Variants in AGAP1 observed in about 807,000 individuals in gnomAD.
The protein encoded by AGAP1 is arf-GAP with GTPase, ANK repeat and PH domain-containing protein 1.
A neutral mutation model predicts 105.3 loss-of-function variants in AGAP1; 29 were observed. The ratio of observed to expected loss-of-function variants is 0.28; its 90% CI spans 0.21 to 0.38. The LOEUF is 0.38. Ranked by LOEUF, AGAP1 falls within the 10% of genes least tolerant of loss-of-function variation. AGAP1 has a pLI of 1.00. For synonymous variants in AGAP1, 509 were observed against 485.9 expected, an observed-to-expected ratio of 1.05 and a Z score of -0.63; for missense variants, 998 against 1,165.1, an observed-to-expected ratio of 0.86 and a Z score of 2.09.
intron 1 of AGAP1, among the ~76,000 whole-genome samples, chr2:235,594,093 T>C (rs981325010): frequency 6.6e-6 from 1 of 152,166 alleles, no homozygotes; most frequent in East Asian, 1.9e-4. Context: ...GTAGTAAGGA[T>C]AGTTTTCAAG....
chr2:235,885,314 C>A (rs562581384), intron 10 of AGAP1, among the ~76,000 whole-genome samples: 1 of 152,078 alleles, frequency 6.6e-6, no homozygotes, highest in Non-Finnish European at 1.5e-5. Flanking sequence ...TATAATATTC[C>A]ACTGTGTGGA....
rs983849711 is a variant in AGAP1 at position 235,919,372 on chromosome 2, A to G, written c.1324+10466A>G. On this transcript the variant is annotated intron_variant, in intron 11 of 17. Transcript: ENST00000304032. The surrounding 1 kb of genome is among the most constrained non-coding windows in gnomAD (Gnocchi z 4.1). ...TTGTGGCCCATTGTTTTGAGTTACC[A>G]CTCATATAGTGAACGTTTGCGTTTC... is the stretch of plus-strand genomic sequence containing the variant. Among the ~76,000 whole-genome samples the G allele has an allele frequency of 6.6e-6, 1 of 151,792 alleles. No individual in the cohort carries two copies. The highest frequency in any genetic ancestry group is 2.4e-5 in the African/African-American group (1 of 41,274).
rs1311551393 is a variant in AGAP1, at chr2:236,040,195, C to T, written c.1801-556C>T. Among the ~76,000 whole-genome samples, 1 of 152,140 alleles carries T rather than the reference C, an allele frequency of 6.6e-6. No homozygotes were observed. Among genetic ancestry groups the T allele is most frequent in the African/African-American group, 2.4e-5 (1 of 41,434 alleles). On this transcript the variant is annotated intron_variant, in intron 14 of 17. Transcript: ENST00000304032. The surrounding 1 kb of genome is among the most constrained non-coding windows in gnomAD (Gnocchi z 5.6). Reference sequence around the variant, plus strand: ...AAGAATCAGCACTCCCAGCTATACTCGTGTTTCTCCCTGCCCCCACCCTGG... The same window carrying T: ...AAGAATCAGCACTCCCAGCTATACTTGTGTTTCTCCCTGCCCCCACCCTGG...
intron 16 of AGAP1, among the ~76,000 whole-genome samples, chr2:236,118,302 C>T (rs751821949): frequency 1.3e-5 from 2 of 151,714 alleles, no homozygotes; most frequent in Non-Finnish European, 2.9e-5. Flanking sequence ...TTGGAGAGGG[C>T]GATTGTGAAT....
rs1490364279 is a variant in AGAP1, at chr2:235,690,613, G to C, written c.164-18566G>C. Among the ~76,000 whole-genome samples, 2 of 152,184 alleles carry C rather than the reference G, an allele frequency of 1.3e-5. No individual in the cohort carries two copies. Among genetic ancestry groups the C allele is most frequent in the Non-Finnish European group, 2.9e-5 (2 of 68,032 alleles). On this transcript the variant is annotated intron_variant, in intron 1 of 17. Transcript: ENST00000304032. This position sits in a 1 kb window ranked among gnomAD's most constrained non-coding sequence, Gnocchi z 4.1. ...ATTGCTAAAGCTGAGAGCTACAGCA[G>C]AGCGTCTGCTTGAGGAGCTCTGACG...
At chr2:235,759,252 T>C (rs1954207433) in intron 6 of AGAP1, among the ~76,000 whole-genome samples, 1 of 143,100 alleles carries the variant, frequency 7.0e-6, no homozygotes. Context: ...CACTGCAAGC[T>C]CCACCTCCTG....
At chr2:235,995,065 C>CAAAAAAAAAAAAA (rs58097220) in intron 13 of AGAP1, among the ~76,000 whole-genome samples, 2 of 60,944 alleles carry the variant, frequency 3.3e-5, no homozygotes, top group South Asian at 8.9e-4. Context: ...GACTCTGTCT[C>CAAAAAAAAAAAAA]AAAAAAAAAA....
At chr2:235,524,055 C>T (rs7563018) in intron 1 of AGAP1, among the ~76,000 whole-genome samples, 11,089 of 152,274 alleles carry the variant, frequency 0.073, 552 homozygotes, top group Middle Eastern at 0.15. Flanking sequence ...GTGGGGATGA[C>T]GACAGGCATT....
intron 6 of AGAP1, among the ~76,000 whole-genome samples, chr2:235,776,233 A>G (rs1955849398): frequency 6.6e-6 from 1 of 152,136 alleles, no homozygotes; most frequent in Non-Finnish European, 1.5e-5. Flanking sequence ...GTGACAAGGG[A>G]GGAGGGTGGG....
Position 236,075,772 on chromosome 2 carries a change from TGAGAGCTGA to T in AGAP1, c.2114+26492_2114+26500del. On this transcript the variant is annotated intron_variant, in intron 16 of 17. Coordinates refer to ENST00000304032, the MANE Select transcript of AGAP1 (RefSeq NM_001037131.3). ...AAGAGGAGCCTTTGACAAACAGCAG[TGAGAGCTGA>T]TTGCTGCCCAGTGTCATCAAGATGC... Among the ~76,000 whole-genome samples, 4 of 152,316 alleles carry T rather than the reference TGAGAGCTGA, an allele frequency of 2.6e-5. 1 individual carries two copies. The Middle Eastern group carries it at 0.01, about 389-fold the overall frequency.
rs1009715171 is a variant in AGAP1 at position 235,865,332 on chromosome 2, G to A, written c.1051-18013G>A. On this transcript the variant is annotated intron_variant, in intron 9 of 17. Coordinates refer to ENST00000304032, the MANE Select transcript of AGAP1 (RefSeq NM_001037131.3). This position sits in a 1 kb window ranked among gnomAD's most constrained non-coding sequence, Gnocchi z 6.2. ...AGACGCGGCTAATGACAGGAAGGTC[G>A]CGCGGGTGAGCTGACCTGTGTGTGG... Among the ~76,000 whole-genome samples the A allele has an allele frequency of 2.6e-5, 4 of 152,176 alleles. No individual in the cohort carries two copies. Among genetic ancestry groups the A allele is most frequent in the Admixed American group, 1.3e-4 (2 of 15,284 alleles).
Position 235,566,086 on chromosome 2 carries a change from G to A in AGAP1, c.163+71237G>A, listed in dbSNP as rs756476360. On this transcript the variant is annotated intron_variant, in intron 1 of 17. Coordinates refer to ENST00000304032, the MANE Select transcript of AGAP1 (RefSeq NM_001037131.3). This position sits in a 1 kb window ranked among gnomAD's most constrained non-coding sequence, Gnocchi z 5.2. ...GTCATCTTTCATTTGTCCATTCCTC[G>A]ATTTATTATTATTATTATTATTTGA... Among the ~76,000 whole-genome samples, 4 of 151,606 alleles carry A rather than the reference G, an allele frequency of 2.6e-5. No homozygotes were observed. Among genetic ancestry groups the A allele is most frequent in the East Asian group, 1.9e-4 (1 of 5,146 alleles).
At chr2:235,670,385 C>A in intron 1 of AGAP1, 1 of 556,376 alleles carries the variant, frequency 1.8e-6, no homozygotes. Context: ...CCGCACCTTC[C>A]GCACCCGCAG....
Position 236,044,767 on chromosome 2 carries a change from T to TCA in AGAP1, c.1891+3947_1891+3948dup, listed in dbSNP as rs34701466. On this transcript the variant is annotated intron_variant, in intron 15 of 17. Coordinates refer to ENST00000304032, the MANE Select transcript of AGAP1 (RefSeq NM_001037131.3). This position sits in a 1 kb window ranked among gnomAD's most constrained non-coding sequence, Gnocchi z 5.7. Reference sequence around the variant, plus strand: ...CCTTCCCTGACCTCCAGGTTTGAAATCACACACACACACACACACACATCC... The same window carrying TCA: ...CCTTCCCTGACCTCCAGGTTTGAAATCACACACACACACACACACACACATCC... 0.035 allele frequency among the ~76,000 whole-genome samples: 5,242 copies of TCA among 150,198 alleles called. 85 individuals carry two copies. The highest frequency in any genetic ancestry group is 0.042 in the Admixed American group (640 of 15,118).
At chr2:236,007,433 G>A (rs2125544742) in intron 13 of AGAP1, among the ~76,000 whole-genome samples, 1 of 152,280 alleles carries the variant, frequency 6.6e-6, no homozygotes, top group Admixed American at 6.5e-5. Flanking sequence ...CTTCAAGAAG[G>A]GTGGTTGTTT....
Position 235,930,729 on chromosome 2 carries a change from T to C in AGAP1, c.1325-36T>C, listed in dbSNP as rs534020999. 5.9e-4 allele frequency: 944 copies of C among 1,600,808 alleles called. 15 individuals carry two copies. The South Asian group carries it at 0.01, about 17-fold the overall frequency. ...TCGCGCTGGTTTCTGTGGTCTGCAG[T>C]CCGCGGTGGTGTTCACCTGACTTGT... On this transcript the variant is annotated intron_variant, in intron 11 of 17. Transcript: ENST00000304032. The surrounding 1 kb of genome is among the most constrained non-coding windows in gnomAD (Gnocchi z 7.9).
rs535825850 is a variant in AGAP1 at position 236,070,088 on chromosome 2, G to GC, written c.2114+20808dup. On this transcript the variant is annotated intron_variant, in intron 16 of 17. Coordinates refer to ENST00000304032, the MANE Select transcript of AGAP1 (RefSeq NM_001037131.3). ...CTGCTGGCTGTGGCGCTGTATGAGAGCATTCGTGTTAGGAGTACCACTGGG... is the reference window on the plus strand; with the variant it reads ...CTGCTGGCTGTGGCGCTGTATGAGAGCCATTCGTGTTAGGAGTACCACTGGG... Among the ~76,000 whole-genome samples the GC allele has an allele frequency of 7.9e-5, 12 of 152,358 alleles. No individual in the cohort carries two copies. The South Asian group carries it at 2.5e-3, about 32-fold the overall frequency.
rs1283959535 is a variant in AGAP1 at position 236,129,848 on chromosome 2, C to T, written c.*5726C>T. On this transcript the variant is annotated 3_prime_UTR_variant, in exon 18 of 18. Transcript: ENST00000304032. This position sits in a 1 kb window ranked among gnomAD's most constrained non-coding sequence, Gnocchi z 6.2. ...TGTATGAGAAAGTATTTAAGTTCAC[C>T]AGTGTAGTAAACACCCACCCCAGAG... The T allele has an allele frequency of 1.3e-5, 2 of 152,196 alleles. No homozygotes were observed. Among genetic ancestry groups the T allele is most frequent in the Non-Finnish European group, 2.9e-5 (2 of 68,050 alleles). 9.4% of individuals were successfully genotyped at this position (152,196 alleles called of 1,614,324 possible).
At chr2:235,694,011 T>G (rs1423921404) in intron 1 of AGAP1, among the ~76,000 whole-genome samples, 1 of 152,156 alleles carries the variant, frequency 6.6e-6, no homozygotes, top group Non-Finnish European at 1.5e-5. Flanking sequence ...TAACTGTCCA[T>G]TTATCTTGAA....
Sources: allele counts gnomAD v4.1 joint callset (sites outside exome capture counted in the v4.1 genomes callset), GRCh38; gene constraint gnomAD v4.1.1; non-coding constraint Gnocchi (gnomAD v3.1); transcripts MANE v1.5; gene names NCBI Gene and HGNC (gene_info 2026-07-23, HGNC 2026-07-21).